The following REPS2 variants were observed in gnomAD, a reference collection of about 807,000 sequenced individuals.
REPS2 encodes the protein ralBP1-associated Eps domain-containing protein 2.
REPS2 carries 23 observed loss-of-function variants against 53.6 expected under a neutral mutation model. That is an observed-to-expected ratio of 0.43 (90% CI 0.31 to 0.61). The LOEUF (loss-of-function observed/expected upper bound fraction) is 0.61. Ranked by LOEUF, REPS2 falls within the 20% of genes least tolerant of loss-of-function variation. The pLI is 0.11. For synonymous variants in REPS2, 238 were observed against 218.6 expected (o/e 1.09, Z -0.78); for missense variants, 446 against 534.9 (o/e 0.83, Z 1.64).
chrX:17,080,452 A>G (rs936357687), intron 13 of REPS2, among the ~76,000 whole-genome samples: 2 of 110,485 alleles, frequency 1.8e-5, no homozygotes, highest in Non-Finnish European at 3.8e-5. Context: ...CCTTGTTCTT[A>G]TAATATAAAC....
intron 2 of REPS2, among the ~76,000 whole-genome samples, chrX:17,013,967 A>G (rs1365832188): frequency 9.0e-6 from 1 of 110,660 alleles, no homozygotes; most frequent in Non-Finnish European, 1.9e-5. Context: ...CTCCTCCCCA[A>G]AGGTTCTCCC....
the REPS2 span, among the ~76,000 whole-genome samples, chrX:17,159,050 A>G: frequency 8.9e-6 from 1 of 112,009 alleles, no homozygotes; most frequent in African/African-American, 3.2e-5. Context: ...AGATGCAATA[A>G]TTAAAGAATA....
the REPS2 span, among the ~76,000 whole-genome samples, chrX:17,184,949 C>T: frequency 8.9e-6 from 1 of 111,778 alleles, no homozygotes; most frequent in African/African-American, 3.3e-5. Context: ...TTAGTTTCCC[C>T]TTTGTCAGTT....
chrX:17,117,311 A>T (rs2063068522), intron 14 of REPS2, among the ~76,000 whole-genome samples: 3 of 111,336 alleles, frequency 2.7e-5, no homozygotes, highest in African/African-American at 9.8e-5. Context: ...TTTAGGGTAC[A>T]TGTGCACAAC....
chrX:16,971,887 TTAATC>T (rs1255473179), intron 1 of REPS2, among the ~76,000 whole-genome samples: 1 of 112,488 alleles, frequency 8.9e-6, no homozygotes, highest in African/African-American at 3.2e-5. Flanking sequence ...CTTGATTTGT[TTAATC>T]TATTTTTGAG....
At chrX:17,070,039 A>G in intron 11 of REPS2, 46 bp downstream of exon 11, 1 of 716,903 alleles carries the variant, frequency 1.4e-6, no homozygotes, top group Non-Finnish European at 1.9e-6. Flanking sequence ...ATTATTTTAA[A>G]ATAAAAAAAC....
At position 17,148,110 on chromosome X, in the gene REPS2, T is replaced by C. The variant is rs924655865; in HGVS notation, c.*629T>C. The C allele has an allele frequency of 8.9e-6, 1 of 112,783 alleles. No individual in the cohort carries two copies. The highest frequency in any genetic ancestry group is 3.2e-5 in the African/African-American group (1 of 30,933). 9.3% of individuals were successfully genotyped at this position (112,783 alleles called of 1,213,427 possible). A position where few individuals can be genotyped will look rare whatever the true frequency, so the allele number is the denominator to read the frequency against. On this transcript the variant is annotated 3_prime_UTR_variant, in exon 18 of 18. Coordinates refer to ENST00000357277, the MANE Select transcript of REPS2 (RefSeq NM_004726.3). ...TACATGACTATCGTTTTCTATTGAATGTCAAAGACTTACTGGGTCTTTACA... is the reference window on the plus strand; with the variant it reads ...TACATGACTATCGTTTTCTATTGAACGTCAAAGACTTACTGGGTCTTTACA...
chrX:17,184,318 G>T, the REPS2 span, among the ~76,000 whole-genome samples: 1 of 106,689 alleles, frequency 9.4e-6, no homozygotes, highest in Non-Finnish European at 1.9e-5. Context: ...TGAGAATGAT[G>T]ATTTCCAGTT....
intron 17 of REPS2, among the ~76,000 whole-genome samples, chrX:17,143,355 T>C (rs2075427901): frequency 8.9e-6 from 1 of 112,090 alleles, no homozygotes; most frequent in African/African-American, 3.3e-5. Context: ...GTATGTGAAC[T>C]TGTTTTGTTT....
the REPS2 span, among the ~76,000 whole-genome samples, chrX:17,192,328 A>C: frequency 8.9e-6 from 1 of 112,506 alleles, no homozygotes; most frequent in Non-Finnish European, 1.9e-5. Context: ...CCATTTTGTT[A>C]ACAGGAGACA....
At chrX:17,195,531 T>C in the REPS2 span, among the ~76,000 whole-genome samples, 1 of 112,329 alleles carries the variant, frequency 8.9e-6, no homozygotes. Flanking sequence ...TGTAACCTTA[T>C]TCACGTACAA....
At chrX:17,108,430 C>T (rs1319171018) in intron 14 of REPS2, among the ~76,000 whole-genome samples, 1 of 110,152 alleles carries the variant, frequency 9.1e-6, no homozygotes, top group Non-Finnish European at 1.9e-5. Context: ...CTTCAGCCTC[C>T]CAAAGTGCTG....
chrX:17,027,659 G>GTTTTTTTTTTTTTTTTTTTTTTTTTT (rs761592588), intron 4 of REPS2, among the ~76,000 whole-genome samples: 1 of 67,270 alleles, frequency 1.5e-5, no homozygotes, highest in Non-Finnish European at 2.6e-5. Context: ...AAATCTTTAG[G>GTTTTTTTTTTTTTTTTTTTTTTTTTT]TTTTTTTTTT....
intron 1 of REPS2, among the ~76,000 whole-genome samples, chrX:16,977,716 T>TA (rs67498814): frequency 6.4e-5 from 5 of 78,237 alleles, no homozygotes; most frequent in Admixed American, 1.5e-4. Flanking sequence ...ACCCTGTCTC[T>TA]AAAAAAAAAA....
rs1569131484 is a variant in REPS2 at position 17,022,237 on chromosome X, A to T, written c.512A>T (p.Asn171Ile). Reference protein sequence around the residue: ...VQIPYLTTEKNSFKRMDDEDK... With the variant: ...VQIPYLTTEKISFKRMDDEDK... The stretch of plus-strand genomic sequence containing the variant: ...ATTCCATATTTAACTACAGAAAAAA[A>T]TTCCTTCAAAAGAATGGACGATGAG... Residue 171 changes from asparagine (N) to isoleucine (I), a missense_variant, in exon 3 of 18, where the codon AAT becomes ATT. By Grantham distance (149) the Asn-to-Ile change is moderately radical (BLOSUM62 -3). Transcript: ENST00000357277. 3 of 1,208,604 alleles carry T rather than the reference A, an allele frequency of 2.5e-6. No individual in the cohort carries two copies. Among genetic ancestry groups the T allele is most frequent in the Non-Finnish European group, 3.4e-6 (3 of 893,971 alleles).
At chrX:17,104,190 G>A (rs1352850850) in intron 14 of REPS2, among the ~76,000 whole-genome samples, 1 of 111,804 alleles carries the variant, frequency 8.9e-6, no homozygotes, top group Non-Finnish European at 1.9e-5. Flanking sequence ...AAAAATAAAT[G>A]GTTATCAACA....
chrX:16,949,363 C>T (rs1443734088), intron 1 of REPS2, among the ~76,000 whole-genome samples: 1 of 111,933 alleles, frequency 8.9e-6, no homozygotes, highest in Non-Finnish European at 1.9e-5. Flanking sequence ...GAGTGAGAAT[C>T]TTGCATTCTT....
In REPS2 at chrX:17,135,488, G is replaced by A. The variant is rs143681115; in HGVS notation, c.1808+82G>A. 288 of 1,010,657 alleles carry A rather than the reference G, an allele frequency of 2.8e-4. 2 individuals are homozygous for A. In the East Asian group the frequency reaches 8.2e-3, roughly 29 times the overall value. 83.3% of individuals were successfully genotyped at this position (1,010,657 alleles called of 1,213,427 possible). ...GATATGTAAATGTGTTGACATTTAC[G>A]TGCGCACCAACAGAAGGATTTCATG... is the stretch of plus-strand genomic sequence containing the variant. On this transcript the variant is annotated intron_variant, in intron 16 of 17. Transcript: ENST00000357277.
intron 8 of REPS2, among the ~76,000 whole-genome samples, chrX:17,056,692 C>T (rs909979894): frequency 1.6e-4 from 4 of 25,627 alleles, no homozygotes; most frequent in African/African-American, 9.0e-4. Context: ...GAGACTCTGT[C>T]TAAAAAAAAA....
Sources: allele counts gnomAD v4.1 joint callset (sites outside exome capture counted in the v4.1 genomes callset), GRCh38; gene constraint gnomAD v4.1.1; transcripts MANE v1.5; gene names NCBI Gene and HGNC (gene_info 2026-07-23, HGNC 2026-07-21).